Variants in IMMP2L observed in about 807,000 individuals in gnomAD.
The protein encoded by IMMP2L is mitochondrial inner membrane protease subunit 2.
IMMP2L carries 18 observed loss-of-function variants against 19.3 expected under a neutral mutation model. That is an observed-to-expected ratio of 0.93 (90% CI 0.64 to 1.38). The LOEUF (loss-of-function observed/expected upper bound fraction) is 1.38, where lower values mean the gene tolerates loss of function less well. Ranked by LOEUF, IMMP2L falls within the 40% of genes most tolerant of loss-of-function variation. IMMP2L has a pLI of 0.00. For synonymous variants in IMMP2L, 76 were observed against 73.0 expected, an observed-to-expected ratio of 1.04 and a Z score of -0.21; for missense variants, 233 against 218.2, an observed-to-expected ratio of 1.07 and a Z score of -0.43.
At chr7:111,229,902 A>AG (rs1246262071) in intron 3 of IMMP2L, among the ~76,000 whole-genome samples, 1 of 152,040 alleles carries the variant, frequency 6.6e-6, no homozygotes, top group African/African-American at 2.4e-5. Flanking sequence ...ACGGAAGATT[A>AG]TGTAAGCTTT....
At chr7:111,286,792 A>G (rs1820533022) in intron 3 of IMMP2L, among the ~76,000 whole-genome samples, 1 of 152,192 alleles carries the variant, frequency 6.6e-6, no homozygotes, top group African/African-American at 2.4e-5. Context: ...TTTCTCTCAG[A>G]AAATGGTCAT....
chr7:111,312,883 C>G (rs1252700184), intron 3 of IMMP2L, among the ~76,000 whole-genome samples: 2 of 151,990 alleles, frequency 1.3e-5, no homozygotes, highest in Non-Finnish European at 2.9e-5. Context: ...ATAGACATTT[C>G]CAGAATAGGA....
At chr7:111,229,225 C>A (rs1284444382) in intron 3 of IMMP2L, among the ~76,000 whole-genome samples, 2 of 151,862 alleles carry the variant, frequency 1.3e-5, no homozygotes, top group East Asian at 3.9e-4. Context: ...TTTTATAATA[C>A]TTTTTTAAAA....
At chr7:111,282,395 C>A (rs1031604760) in intron 3 of IMMP2L, among the ~76,000 whole-genome samples, 42 of 152,108 alleles carry the variant, frequency 2.8e-4, no homozygotes, top group African/African-American at 9.9e-4. Flanking sequence ...ACTCCCCATT[C>A]CCAGTTCAGA....
At chr7:111,203,556 T>G (rs1810379116) in intron 3 of IMMP2L, among the ~76,000 whole-genome samples, 2 of 147,584 alleles carry the variant, frequency 1.4e-5, no homozygotes, top group Non-Finnish European at 3.0e-5. Flanking sequence ...AATATTACAT[T>G]ATTATACTGG....
chr7:111,221,260 G>A (rs764550615), intron 3 of IMMP2L, among the ~76,000 whole-genome samples: 4 of 151,896 alleles, frequency 2.6e-5, no homozygotes, highest in Non-Finnish European at 4.4e-5. Context: ...TATCTATTCC[G>A]CTGCTTCTCT....
chr7:111,241,680 T>A (rs1383037400), intron 3 of IMMP2L, among the ~76,000 whole-genome samples: 1 of 151,390 alleles, frequency 6.6e-6, no homozygotes, highest in Non-Finnish European at 1.5e-5. Flanking sequence ...GCTGTAACTT[T>A]TATACATAAG....
intron 3 of IMMP2L, among the ~76,000 whole-genome samples, chr7:111,003,376 A>G (rs2129561653): frequency 6.6e-6 from 1 of 152,308 alleles, no homozygotes; most frequent in East Asian, 1.9e-4. Flanking sequence ...TATAATCAAA[A>G]TATCATCAAA....
At chr7:110,865,532 C>T (rs1190820828) in intron 5 of IMMP2L, among the ~76,000 whole-genome samples, 1 of 151,968 alleles carries the variant, frequency 6.6e-6, no homozygotes, top group Non-Finnish European at 1.5e-5. Flanking sequence ...TCTTGAACTT[C>T]CTGCTGGAAG....
intron 3 of IMMP2L, among the ~76,000 whole-genome samples, chr7:111,266,971 C>T (rs1817904203): frequency 6.6e-6 from 1 of 152,278 alleles, no homozygotes; most frequent in South Asian, 2.1e-4. Context: ...TGATCAATTT[C>T]TCTACCCTAG....
At chr7:111,113,416 C>T (rs997144521) in intron 3 of IMMP2L, among the ~76,000 whole-genome samples, 3 of 151,824 alleles carry the variant, frequency 2.0e-5, no homozygotes, top group African/African-American at 7.3e-5. Flanking sequence ...TCTATCATGT[C>T]CTCCCATGTA....
intron 3 of IMMP2L, among the ~76,000 whole-genome samples, chr7:111,169,830 TCA>T (rs1806232998): frequency 6.6e-6 from 1 of 151,924 alleles, no homozygotes; most frequent in South Asian, 2.1e-4. Context: ...TGAAGAAATG[TCA>T]CAGACTACAC....
intron 5 of IMMP2L, among the ~76,000 whole-genome samples, chr7:110,853,943 A>C (rs1806494426): frequency 6.6e-6 from 1 of 151,996 alleles, no homozygotes; most frequent in South Asian, 2.1e-4. Flanking sequence ...ATAAACACAC[A>C]ATCTATGAAA....
intron 3 of IMMP2L, among the ~76,000 whole-genome samples, chr7:111,412,544 A>G (rs574848683): frequency 6.6e-6 from 1 of 151,992 alleles, no homozygotes; most frequent in African/African-American, 2.4e-5. Context: ...CAATGGAAAA[A>G]AGAAACCACA....
intron 3 of IMMP2L, among the ~76,000 whole-genome samples, chr7:110,971,846 G>A (rs1820173818): frequency 6.6e-6 from 1 of 151,966 alleles, no homozygotes; most frequent in Non-Finnish European, 1.5e-5. Flanking sequence ...CATTATTAAT[G>A]TTTAAACTGT....
intron 3 of IMMP2L, among the ~76,000 whole-genome samples, chr7:110,997,393 T>A (rs1823151660): frequency 6.6e-6 from 1 of 152,136 alleles, no homozygotes; most frequent in African/African-American, 2.4e-5. Context: ...TAAGTTTCCA[T>A]TTCTCGGGGA....
In IMMP2L at chr7:110,667,662, G is replaced by A. The variant is rs79282247; in HGVS notation, c.409-3941C>T. Among the ~76,000 whole-genome samples, 6 of 152,298 alleles carry A rather than the reference G, an allele frequency of 3.9e-5. No homozygotes were observed. The East Asian group carries it at 9.7e-4, about 25-fold the overall frequency. On this transcript the variant is annotated intron_variant, in intron 5 of 5. Coordinates refer to ENST00000405709, the MANE Select transcript of IMMP2L (RefSeq NM_032549.4). Reference sequence around the variant, plus strand: ...AGGCAGCCTCTCGAAGCCAGAGAAAGGAAGGAGATGAATTATCCTCTAGAA... The same window carrying A: ...AGGCAGCCTCTCGAAGCCAGAGAAAAGAAGGAGATGAATTATCCTCTAGAA...
intron 5 of IMMP2L, among the ~76,000 whole-genome samples, chr7:110,843,140 A>G (rs1468487461): frequency 6.6e-6 from 1 of 152,202 alleles, no homozygotes; most frequent in East Asian, 1.9e-4. Context: ...GACAAAGAAG[A>G]CAGTGAACAT....
chr7:111,169,596 A>G (rs1806207194), intron 3 of IMMP2L, among the ~76,000 whole-genome samples: 1 of 151,918 alleles, frequency 6.6e-6, no homozygotes, highest in Non-Finnish European at 1.5e-5. Context: ...GCAGTATCGT[A>G]ACTCCAATCT....
Sources: allele counts gnomAD v4.1 joint callset (sites outside exome capture counted in the v4.1 genomes callset), GRCh38; gene constraint gnomAD v4.1.1; transcripts MANE v1.5; gene names NCBI Gene and HGNC (gene_info 2026-07-23, HGNC 2026-07-21).